PHF24: variants seen among roughly 807,000 people sequenced by gnomAD.
PHF24 encodes the protein PHD finger protein 24.
A neutral mutation model predicts 42.6 loss-of-function variants in PHF24; 25 were observed. The ratio of observed to expected loss-of-function variants is 0.59; its 90% confidence interval spans 0.43 to 0.82. The LOEUF (loss-of-function observed/expected upper bound fraction) is 0.82. Among genes scored for constraint, PHF24 ranks in the 40% least tolerant of loss-of-function variants. PHF24 has a pLI of 0.00. For synonymous variants in PHF24, 185 were observed against 204.8 expected (o/e 0.90, Z 0.83); for missense variants, 470 against 538.1 (o/e 0.87, Z 1.25).
the PHF24 span, among the ~76,000 whole-genome samples, chr9:34,840,134 G>C: frequency 6.6e-6 from 1 of 152,130 alleles, no homozygotes; most frequent in African/African-American, 2.4e-5. Flanking sequence ...GAGGGCCTTT[G>C]CATTTATTTT....
the PHF24 span, chr9:34,838,263 G>A: frequency 1.5e-6 from 1 of 659,838 alleles, no homozygotes. Context: ...GAGAGGGGAA[G>A]TGGGGTCAAT....
the PHF24 span, among the ~76,000 whole-genome samples, chr9:34,936,183 C>CT: frequency 2.6e-5 from 4 of 152,156 alleles, no homozygotes; most frequent in African/African-American, 9.7e-5. Context: ...ATTCTCCTGC[C>CT]TCAGCCTGCC....
At chr9:34,882,789 C>T in the PHF24 span, among the ~76,000 whole-genome samples, 1 of 152,076 alleles carries the variant, frequency 6.6e-6, no homozygotes, top group Non-Finnish European at 1.5e-5. Flanking sequence ...CCATACTGCC[C>T]AAGGTAATTT....
the PHF24 span, chr9:34,729,355 T>C: frequency 6.4e-7 from 1 of 1,551,700 alleles, no homozygotes; most frequent in Non-Finnish European, 8.7e-7. Context: ...ATAATTACAA[T>C]AACGATGAAG....
the PHF24 span, among the ~76,000 whole-genome samples, chr9:34,882,638 T>G: frequency 6.6e-6 from 1 of 152,190 alleles, no homozygotes; most frequent in Non-Finnish European, 1.5e-5. Flanking sequence ...ATAAAATACC[T>G]AGGAATCTAA....
chr9:34,951,985 G>A, the PHF24 span, among the ~76,000 whole-genome samples: 3 of 152,126 alleles, frequency 2.0e-5, no homozygotes, highest in African/African-American at 7.2e-5. Flanking sequence ...CCCTAAGATC[G>A]GATGTCTGCT....
chr9:34,898,771 T>A, the PHF24 span, among the ~76,000 whole-genome samples: 1 of 152,180 alleles, frequency 6.6e-6, no homozygotes, highest in Non-Finnish European at 1.5e-5. Context: ...TAGCCTGACG[T>A]CTTGCACCCA....
At chr9:34,847,120 T>C in the PHF24 span, among the ~76,000 whole-genome samples, 3 of 152,236 alleles carry the variant, frequency 2.0e-5, no homozygotes, top group African/African-American at 7.2e-5. Context: ...AAAGTAGTTT[T>C]TTCCAGTTCT....
chr9:34,947,414 G>A, the PHF24 span, among the ~76,000 whole-genome samples: 68 of 152,300 alleles, frequency 4.5e-4, no homozygotes, highest in Non-Finnish European at 8.1e-4. Context: ...CCACTGTGCT[G>A]CCGGTTATAT....
chr9:34,961,004 C>T (rs1826571386), intron 1 of PHF24, among the ~76,000 whole-genome samples: 1 of 152,194 alleles, frequency 6.6e-6, no homozygotes, highest in Non-Finnish European at 1.5e-5. Context: ...TGATCTTTCA[C>T]ATATTCTCCA....
At chr9:34,791,891 G>A in the PHF24 span, among the ~76,000 whole-genome samples, 2 of 152,188 alleles carry the variant, frequency 1.3e-5, no homozygotes, top group Non-Finnish European at 2.9e-5. Context: ...AAGAGAGAAT[G>A]GGAAGAGAGA....
At chr9:34,688,494 T>A in the PHF24 span, among the ~76,000 whole-genome samples, 1 of 152,170 alleles carries the variant, frequency 6.6e-6, no homozygotes, top group Non-Finnish European at 1.5e-5. Flanking sequence ...AGTGTTGCCT[T>A]TGAGCCCTGG....
the PHF24 span, among the ~76,000 whole-genome samples, chr9:34,811,186 A>G: frequency 6.6e-6 from 1 of 152,226 alleles, no homozygotes; most frequent in Non-Finnish European, 1.5e-5. Flanking sequence ...AACTCATGAA[A>G]TCTGTTTTTC....
chr9:34,831,290 G>A, the PHF24 span, among the ~76,000 whole-genome samples: 1 of 152,114 alleles, frequency 6.6e-6, no homozygotes, highest in Non-Finnish European at 1.5e-5. Flanking sequence ...TCCTGGGAGG[G>A]GATTCAGCTG....
the PHF24 span, among the ~76,000 whole-genome samples, chr9:34,942,178 A>G: frequency 6.6e-6 from 1 of 152,260 alleles, no homozygotes; most frequent in East Asian, 1.9e-4. Flanking sequence ...GACAGCTCGC[A>G]CCACAGCCTA....
the PHF24 span, among the ~76,000 whole-genome samples, chr9:34,935,607 AAGAG>A: frequency 2.0e-5 from 3 of 150,722 alleles, no homozygotes; most frequent in South Asian, 2.1e-4. Context: ...AAAAAAAAAA[AAGAG>A]AGAGAATGGG....
At chr9:34,853,827 CAAAAAAAAAA>C in the PHF24 span, among the ~76,000 whole-genome samples, 1 of 74,818 alleles carries the variant, frequency 1.3e-5, no homozygotes, top group East Asian at 4.8e-4. Context: ...GACTCCGTCT[CAAAAAAAAAA>C]AAAAAAAAAG....
chr9:34,977,029 C>A, intron 5 of PHF24, 54 bp from the exon 6 acceptor site: 1 of 1,523,888 alleles, frequency 6.6e-7, no homozygotes. Flanking sequence ...TTCTCTATGG[C>A]TTGGCAGTTT....
the PHF24 span, among the ~76,000 whole-genome samples, chr9:34,849,765 C>T: frequency 9.2e-5 from 14 of 152,056 alleles, no homozygotes; most frequent in Admixed American, 6.6e-5. Flanking sequence ...ATGTTTAGTG[C>T]TTCCTTCAGG....
Sources: allele counts gnomAD v4.1 joint callset (sites outside exome capture counted in the v4.1 genomes callset), GRCh38; gene constraint gnomAD v4.1.1; transcripts MANE v1.5; gene names NCBI Gene and HGNC (gene_info 2026-07-23, HGNC 2026-07-21).